The following GRAMD1B variants were observed in gnomAD, a reference collection of about 807,000 sequenced individuals.
GRAMD1B encodes the protein GRAM domain containing 1B.
In GRAMD1B, 37 loss-of-function variants were observed where a neutral mutation model predicts 99.7. The ratio of observed to expected loss-of-function variants is 0.37; its 90% CI spans 0.29 to 0.49. The LOEUF (loss-of-function observed/expected upper bound fraction) is 0.49, where lower values mean the gene tolerates loss of function less well. Among genes scored for constraint, GRAMD1B ranks in the 20% least tolerant of loss-of-function variants. The pLI is 0.98. For synonymous variants in GRAMD1B, 427 were observed against 387.6 expected (o/e 1.10, Z -1.19); for missense variants, 888 against 1,009.2 (o/e 0.88, Z 1.63).
At chr11:123,481,390 G>A (rs1447963608) in intron 2 of GRAMD1B, among the ~76,000 whole-genome samples, 1 of 152,200 alleles carries the variant, frequency 6.6e-6, no homozygotes, top group African/African-American at 2.4e-5. Flanking sequence ...GGAGGCAGAG[G>A]TTGCAGTGAG....
At chr11:123,611,958 G>T (rs1953651159) in intron 14 of GRAMD1B, among the ~76,000 whole-genome samples, 1 of 152,186 alleles carries the variant, frequency 6.6e-6, no homozygotes, top group Non-Finnish European at 1.5e-5. Flanking sequence ...AGAGAAAAGA[G>T]CTGATACTGC....
At chr11:123,517,609 T>G (rs1309233669) in intron 2 of GRAMD1B, among the ~76,000 whole-genome samples, 3 of 152,092 alleles carry the variant, frequency 2.0e-5, no homozygotes, top group Non-Finnish European at 4.4e-5. Flanking sequence ...TCAAGGCTAA[T>G]TCTAGAATCG....
At chr11:123,423,524 T>C (rs771745203) in intron 1 of GRAMD1B, among the ~76,000 whole-genome samples, 1 of 152,342 alleles carries the variant, frequency 6.6e-6, no homozygotes, top group East Asian at 1.9e-4. Context: ...CAGTCTAATC[T>C]TGCAGCTTCC....
At position 123,478,040 on chromosome 11, in the gene GRAMD1B, G is replaced by A. The variant is rs12290464; in HGVS notation, c.375-2776G>A. 4.2e-3 allele frequency among the ~76,000 whole-genome samples: 639 copies of A among 152,058 alleles called. 1 individual carries two copies. Among genetic ancestry groups the A allele is most frequent in the African/African-American group, 0.015 (604 of 41,506 alleles). On this transcript the variant is annotated intron_variant, in intron 1 of 19. Transcript: ENST00000635736. The stretch of plus-strand genomic sequence containing the variant: ...ACTCCTGATCTCAGGTGATCCACCC[G>A]CCTCGCCTCCCAAAGTTCTGGGATT...
At chr11:123,415,913 A>G (rs1365190272) in intron 1 of GRAMD1B, among the ~76,000 whole-genome samples, 1 of 152,148 alleles carries the variant, frequency 6.6e-6, no homozygotes, top group Non-Finnish European at 1.5e-5. Context: ...AAAACCACAT[A>G]TCTGCCATTG....
intron 1 of GRAMD1B, among the ~76,000 whole-genome samples, chr11:123,389,470 G>A (rs1028912961): frequency 1.3e-5 from 2 of 151,878 alleles, no homozygotes; most frequent in African/African-American, 4.8e-5. Flanking sequence ...TCAAAAATAA[G>A]GAAAGTCTAA....
chr11:123,584,356 T>G (rs779447440), intron 4 of GRAMD1B, 24 bp downstream of exon 4: 1 of 174,188 alleles, frequency 5.7e-6, no homozygotes, highest in East Asian at 2.5e-4. Flanking sequence ...TTTCCCTTCT[T>G]GTTGGGTACC....
intron 1 of GRAMD1B, chr11:123,459,831 C>T (rs1950328779): frequency 6.6e-6 from 1 of 152,252 alleles, no homozygotes; most frequent in African/African-American, 2.4e-5. Flanking sequence ...TACCTTCTCA[C>T]TGGACACCTG....
At chr11:123,462,344 T>C (rs1950467237) in intron 1 of GRAMD1B, among the ~76,000 whole-genome samples, 1 of 136,212 alleles carries the variant, frequency 7.3e-6, no homozygotes, top group East Asian at 3.1e-4. Flanking sequence ...ACAAACTGCC[T>C]CAAACTGGGC....
chr11:123,624,721 T>C lies in GRAMD1B; in HGVS notation c.*2126T>C, dbSNP rs1955396339. ...CAGAAAGTTTTGAATGCAAAACTTG[T>C]AGATTCCTGAATTTATTCCATACAT... is the stretch of plus-strand genomic sequence containing the variant. On this transcript the variant is annotated 3_prime_UTR_variant, in exon 20 of 20. Coordinates refer to ENST00000635736, the MANE Select transcript of GRAMD1B (RefSeq NM_001387025.1). The C allele has an allele frequency of 6.6e-6, 1 of 152,240 alleles. No homozygotes were observed. The highest frequency in any genetic ancestry group is 2.4e-5 in the African/African-American group (1 of 41,466). The allele number at this position is 152,240 out of a possible 1,614,324, so 9.4% of individuals were successfully genotyped here. A position where few individuals can be genotyped will look rare whatever the true frequency, so the allele number is the denominator to read the frequency against.
chr11:123,391,414 T>A (rs1456371572), intron 1 of GRAMD1B, among the ~76,000 whole-genome samples: 1 of 152,178 alleles, frequency 6.6e-6, no homozygotes, highest in Non-Finnish European at 1.5e-5. Context: ...TCTGCCGAGA[T>A]CACTAAAGTC....
intron 1 of GRAMD1B, among the ~76,000 whole-genome samples, chr11:123,440,933 A>G (rs1320584882): frequency 3.9e-5 from 6 of 152,324 alleles, no homozygotes; most frequent in Non-Finnish European, 5.9e-5. Context: ...AATAAGTCTC[A>G]TGAAATCTGA....
chr11:123,573,080 C>T (rs565978828), intron 2 of GRAMD1B, among the ~76,000 whole-genome samples: 89 of 149,598 alleles, frequency 5.9e-4, no homozygotes, highest in African/African-American at 2.2e-3. Flanking sequence ...GGGGCAGGGG[C>T]GCAGGTAGGC....
intron 1 of GRAMD1B, among the ~76,000 whole-genome samples, chr11:123,467,339 C>A (rs986181333): frequency 6.8e-6 from 1 of 147,942 alleles, no homozygotes; most frequent in African/African-American, 2.5e-5. Context: ...AATTAATACT[C>A]ATAGATAATT....
At chr11:123,423,137 G>A (rs937707112) in intron 1 of GRAMD1B, among the ~76,000 whole-genome samples, 15 of 151,980 alleles carry the variant, frequency 9.9e-5, no homozygotes, top group African/African-American at 3.6e-4. Flanking sequence ...GGTACACCAC[G>A]AAGCTCCAAT....
At chr11:123,403,526 TG>T (rs1947747755) in intron 1 of GRAMD1B, among the ~76,000 whole-genome samples, 1 of 151,098 alleles carries the variant, frequency 6.6e-6, no homozygotes, top group African/African-American at 2.4e-5. Context: ...TTTTGTTTTT[TG>T]TTTTAGTTTT....
At chr11:123,533,024 CA>C (rs1943563017) in intron 2 of GRAMD1B, among the ~76,000 whole-genome samples, 1 of 152,244 alleles carries the variant, frequency 6.6e-6, no homozygotes, top group Admixed American at 6.5e-5. Flanking sequence ...GGCTGAAGTG[CA>C]ATGGTGCGAT....
At position 123,611,000 on chromosome 11, in the gene GRAMD1B, C is replaced by T. The variant is rs1170157319; in HGVS notation, c.1919+662C>T. Among the ~76,000 whole-genome samples, 1 of 152,216 alleles carries T rather than the reference C, an allele frequency of 6.6e-6. No individual in the cohort carries two copies. Among genetic ancestry groups the T allele is most frequent in the Non-Finnish European group, 1.5e-5 (1 of 68,044 alleles). On this transcript the variant is annotated intron_variant, in intron 14 of 19. Coordinates refer to ENST00000635736, the MANE Select transcript of GRAMD1B (RefSeq NM_001387025.1). The surrounding 1 kb of genome is among the most constrained non-coding windows in gnomAD (Gnocchi z 4.1). ...TTGTAGTCTAATTGAAAAGGCAAGACACACACCCATTTGAAAATCATCAGA... is the reference window on the plus strand; with the variant it reads ...TTGTAGTCTAATTGAAAAGGCAAGATACACACCCATTTGAAAATCATCAGA...
At chr11:123,537,120 G>A (rs1397126857) in intron 2 of GRAMD1B, among the ~76,000 whole-genome samples, 1 of 152,160 alleles carries the variant, frequency 6.6e-6, no homozygotes, top group African/African-American at 2.4e-5. Flanking sequence ...TAGGTGGCAA[G>A]CATAAAAGGA....
Sources: allele counts gnomAD v4.1 joint callset (sites outside exome capture counted in the v4.1 genomes callset), GRCh38; gene constraint gnomAD v4.1.1; non-coding constraint Gnocchi (gnomAD v3.1); transcripts MANE v1.5; gene names NCBI Gene and HGNC (gene_info 2026-07-23, HGNC 2026-07-21).